The following THSD4 variants were observed in gnomAD, a reference collection of about 807,000 sequenced individuals.
The protein encoded by THSD4 is thrombospondin type 1 domain containing 4, also known as thrombospondin type-1 domain-containing protein 4.
THSD4 carries 69 observed loss-of-function variants against 119.0 expected under a neutral mutation model. That is an observed-to-expected ratio of 0.58 (90% CI 0.48 to 0.71). The LOEUF (loss-of-function observed/expected upper bound fraction) is 0.71, where lower values mean the gene tolerates loss of function less well. THSD4 is among the 30% of genes least tolerant of loss of function. The probability of loss-of-function intolerance (pLI) is 0.00; values close to 1 mark genes in which losing one functional copy is unlikely to be tolerated. For synonymous variants in THSD4, 524 were observed against 540.4 expected (o/e 0.97, Z 0.42); for missense variants, 1,393 against 1,391.1 (o/e 1.00, Z -0.02).
chr15:71,376,448 T>A (rs1566960784), intron 6 of THSD4, among the ~76,000 whole-genome samples: 2 of 152,202 alleles, frequency 1.3e-5, no homozygotes, highest in Non-Finnish European at 2.9e-5. Flanking sequence ...TCTTGATTGA[T>A]AGTTTGCCCT....
chr15:71,595,962 C>G (rs1048886550), intron 7 of THSD4, among the ~76,000 whole-genome samples: 1 of 152,174 alleles, frequency 6.6e-6, no homozygotes, highest in African/African-American at 2.4e-5. Flanking sequence ...CGCTGGTGAC[C>G]GTTTCAGCAT....
chr15:71,389,780 TC>T (rs1304654869), intron 6 of THSD4, among the ~76,000 whole-genome samples: 1 of 150,558 alleles, frequency 6.6e-6, no homozygotes, highest in African/African-American at 2.4e-5. Context: ...TTTATCCACA[TC>T]CTTGCCAACA....
chr15:71,618,394 G>A (rs1363571747), intron 7 of THSD4, among the ~76,000 whole-genome samples: 1 of 152,184 alleles, frequency 6.6e-6, no homozygotes, highest in Non-Finnish European at 1.5e-5. Flanking sequence ...ATGTGTCGAC[G>A]TGGATAGATC....
At chr15:71,375,961 A>G (rs545067434) in intron 6 of THSD4, among the ~76,000 whole-genome samples, 5 of 152,336 alleles carry the variant, frequency 3.3e-5, no homozygotes, top group South Asian at 4.1e-4. Flanking sequence ...TGTATTATTT[A>G]TCACTGAGAC....
chr15:71,603,552 A>G (rs2050052934), intron 7 of THSD4, among the ~76,000 whole-genome samples: 1 of 152,182 alleles, frequency 6.6e-6, no homozygotes, highest in Non-Finnish European at 1.5e-5. Flanking sequence ...CTGGCTTTGA[A>G]GAGAGCAAGA....
chr15:71,694,069 T>G (rs2052111939), intron 8 of THSD4, among the ~76,000 whole-genome samples: 1 of 151,944 alleles, frequency 6.6e-6, no homozygotes, highest in South Asian at 2.1e-4. Context: ...GGTTGGAGGT[T>G]GAGCAGAGGT....
chr15:71,430,809 G>A (rs1329753843), intron 7 of THSD4, among the ~76,000 whole-genome samples: 8 of 148,942 alleles, frequency 5.4e-5, no homozygotes, highest in African/African-American at 1.5e-4. Context: ...TACCTACCAC[G>A]GGGCAGCCAT....
chr15:71,708,177 C>G (rs1303959124), intron 8 of THSD4, among the ~76,000 whole-genome samples: 6 of 152,330 alleles, frequency 3.9e-5, no homozygotes, highest in Non-Finnish European at 7.3e-5. Context: ...GGACTGCAGT[C>G]TGTGATTGAA....
chr15:71,332,296 C>T (rs1037627149), intron 6 of THSD4, among the ~76,000 whole-genome samples: 3 of 152,160 alleles, frequency 2.0e-5, no homozygotes, highest in Admixed American at 6.5e-5. Flanking sequence ...TGGAGGTCTG[C>T]GAAGAGCATT....
intron 8 of THSD4, among the ~76,000 whole-genome samples, chr15:71,676,131 T>G (rs1191116773): frequency 6.6e-6 from 1 of 152,122 alleles, no homozygotes; most frequent in Non-Finnish European, 1.5e-5. Context: ...TTAAAAAGAG[T>G]AGAACATTTT....
intron 6 of THSD4, among the ~76,000 whole-genome samples, chr15:71,387,468 A>G (rs998982725): frequency 3.3e-5 from 5 of 152,190 alleles, no homozygotes; most frequent in African/African-American, 9.7e-5. Context: ...CCTAATATGT[A>G]TAAACAAAAT....
chr15:71,660,404 C>G, intron 7 of THSD4, 126 bp from the exon 8 acceptor site: 1 of 1,128,004 alleles, frequency 8.9e-7, no homozygotes, highest in Admixed American at 1.9e-5. Context: ...GCTCCCACCC[C>G]ACTCCTAGAA....
At chr15:71,265,381 A>C (rs2044452053) in intron 6 of THSD4, among the ~76,000 whole-genome samples, 1 of 152,092 alleles carries the variant, frequency 6.6e-6, no homozygotes, top group Non-Finnish European at 1.5e-5. Context: ...AGTCAAGGGA[A>C]GCCGTGAGAG....
intron 8 of THSD4, among the ~76,000 whole-genome samples, chr15:71,665,180 A>G (rs1478706245): frequency 6.6e-6 from 1 of 152,104 alleles, no homozygotes; most frequent in East Asian, 1.9e-4. Context: ...TTTTATTAAT[A>G]GCCATTCTGA....
chr15:71,780,936 C>G lies in THSD4; in HGVS notation c.*3562C>G, dbSNP rs972673081. 5.4e-6 allele frequency: 2 copies of G among 371,534 alleles called. No homozygotes were observed. Among genetic ancestry groups the G allele is most frequent in the African/African-American group, 4.3e-5 (2 of 47,016 alleles). 23.0% of individuals were successfully genotyped at this position (371,534 alleles called of 1,614,324 possible). On this transcript the variant is annotated 3_prime_UTR_variant, in exon 18 of 18. Coordinates refer to ENST00000261862, the MANE Select transcript of THSD4 (RefSeq NM_024817.3). ...CAGATATTACCAGGACCTGTCTAAA[C>G]AAATGTTGTGGGTTTTCTTTTCATT...
chr15:71,526,607 C>A (rs2048523476), intron 7 of THSD4, among the ~76,000 whole-genome samples: 1 of 152,096 alleles, frequency 6.6e-6, no homozygotes, highest in African/African-American at 2.4e-5. Flanking sequence ...TCTCTCTTGG[C>A]ATGTTTATGG....
intron 3 of THSD4, among the ~76,000 whole-genome samples, chr15:71,166,130 C>T (rs2043292618): frequency 6.6e-6 from 1 of 152,060 alleles, no homozygotes; most frequent in Non-Finnish European, 1.5e-5. Context: ...CAGGGTTTCC[C>T]CACTGTGAAG....
At chr15:71,675,206 C>T (rs975242975) in intron 8 of THSD4, among the ~76,000 whole-genome samples, 8 of 152,112 alleles carry the variant, frequency 5.3e-5, no homozygotes, top group East Asian at 1.9e-4. Flanking sequence ...CTTTTATAGC[C>T]AGCCCTGTGG....
intron 6 of THSD4, among the ~76,000 whole-genome samples, chr15:71,312,980 G>A (rs943698948): frequency 6.6e-6 from 1 of 152,172 alleles, no homozygotes; most frequent in Non-Finnish European, 1.5e-5. Context: ...GACTTCCTCT[G>A]TCTTGTTCAC....
Sources: allele counts gnomAD v4.1 joint callset (sites outside exome capture counted in the v4.1 genomes callset), GRCh38; gene constraint gnomAD v4.1.1; transcripts MANE v1.5; gene names NCBI Gene and HGNC (gene_info 2026-07-23, HGNC 2026-07-21).